Variants in RAB40A observed in about 807,000 individuals in gnomAD.
RAB40A encodes the protein RAB40A, member RAS oncogene family.
For missense variants in RAB40A, 145 were observed against 230.2 expected, an observed-to-expected ratio of 0.63 and a Z score of 2.40; for synonymous variants, 65 against 99.9, an observed-to-expected ratio of 0.65 and a Z score of 2.08.
At chrX:103,506,981 C>T (rs765307627) in intron 2 of RAB40A, among the ~76,000 whole-genome samples, 4 of 111,373 alleles carry the variant, frequency 3.6e-5, no homozygotes, top group African/African-American at 1.3e-4. Flanking sequence ...CATAGGTATA[C>T]GTGTGCCACG....
chrX:103,511,577 C>T (rs1485059601), intron 2 of RAB40A, among the ~76,000 whole-genome samples: 1 of 110,166 alleles, frequency 9.1e-6, no homozygotes, highest in African/African-American at 3.3e-5. Flanking sequence ...AACCATCATT[C>T]TCAGCAAACT....
Position 103,500,301 on chromosome X carries a change from GAA to G in RAB40A, c.454_455del (p.Phe152LeufsTer2), listed in dbSNP as rs1473240504. ...QAYAERLGVT[F>X]FEVSPLCNFN... ...AATTGCACAGAGGGCTGACCTCAAA[GAA>G]GGTCACACCCAGGCGCTCGGCGTAG... On this transcript the variant is annotated frameshift_variant, in exon 3 of 3. Transcript: ENST00000304236. LOFTEE classifies it low-confidence loss of function (END_TRUNC). 1 of 1,212,283 alleles carries G rather than the reference GAA, an allele frequency of 8.2e-7. No individual in the cohort carries two copies. The highest frequency in any genetic ancestry group is 2.2e-5 in the Admixed American group (1 of 46,134).
downstream of RAB40A, among the ~76,000 whole-genome samples, chrX:103,494,442 A>C (rs1351493734): frequency 9.0e-6 from 1 of 111,625 alleles, no homozygotes; most frequent in African/African-American, 3.3e-5. Flanking sequence ...ACTTGATGTG[A>C]TTCCATTTGT....
intron 2 of RAB40A, among the ~76,000 whole-genome samples, chrX:103,512,446 T>C (rs750409002): frequency 1.1e-4 from 12 of 111,294 alleles, no homozygotes; most frequent in Non-Finnish European, 1.9e-4. Flanking sequence ...TTGCTAGCCC[T>C]GCCCTTGTTG....
In RAB40A at chrX:103,500,253, C is replaced by G; in HGVS notation, c.504G>C (p.Thr168=). Reference sequence around the variant, plus strand: ...GCAGCAGCACTATCCTGGCCAGCTCCGTGAAAGACTCTATGATGTTGAAAT... The same window carrying G: ...GCAGCAGCACTATCCTGGCCAGCTCGGTGAAAGACTCTATGATGTTGAAAT... ...LCNFNIIESF[T]ELARIVLLRH... Residue 168 remains threonine (T), a synonymous_variant, in exon 3 of 3, where the codon ACG becomes ACC. Transcript: ENST00000304236. The G allele has an allele frequency of 8.3e-7, 1 of 1,211,796 alleles. No individual in the cohort carries two copies. The highest frequency in any genetic ancestry group is 1.1e-6 in the Non-Finnish European group (1 of 895,487).
intron 2 of RAB40A, among the ~76,000 whole-genome samples, chrX:103,506,957 G>A: frequency 9.0e-6 from 1 of 111,327 alleles, no homozygotes; most frequent in South Asian, 3.8e-4. Flanking sequence ...TGTGCAGAAC[G>A]TGCAGGTTTG....
intron 2 of RAB40A, chrX:103,501,397 T>C (rs1466592295): frequency 3.2e-5 from 4 of 124,102 alleles, no homozygotes; most frequent in Non-Finnish European, 7.5e-5. Flanking sequence ...GTGTGAACTG[T>C]CTGTGCATGT....
In RAB40A at chrX:103,499,604, T is replaced by G; in HGVS notation, c.*319A>C. 1 of 348,235 alleles carries G rather than the reference T, an allele frequency of 2.9e-6. No individual in the cohort carries two copies. The allele number at this position is 348,235 out of a possible 1,213,427, so 28.7% of individuals were successfully genotyped here. A position where few individuals can be genotyped will look rare whatever the true frequency, so the allele number is the denominator to read the frequency against. On this transcript the variant is annotated 3_prime_UTR_variant, in exon 3 of 3. Coordinates refer to ENST00000304236, the MANE Select transcript of RAB40A (RefSeq NM_080879.3). ...ACCATTCTAACAAAGGCGGTTATTT[T>G]AAGGAAAAAGTTGCAGCGTGATTAT...
At chrX:103,511,343 A>G (rs1463827201) in intron 2 of RAB40A, among the ~76,000 whole-genome samples, 1 of 109,333 alleles carries the variant, frequency 9.1e-6, no homozygotes, top group Non-Finnish European at 1.9e-5. Context: ...CTAAAAAAAA[A>G]TACAAAAAAA....
chrX:103,499,754 G>C lies in RAB40A; in HGVS notation c.*169C>G. 1.8e-6 allele frequency: 1 copy of C among 549,802 alleles called. No homozygotes were observed. The allele number at this position is 549,802 out of a possible 1,213,427, so 45.3% of individuals were successfully genotyped here. ...CCAAATAGAAATTCAAAGTCAAACT[G>C]TGTAATGTGTTTTTATTGACAGAAG... is the stretch of plus-strand genomic sequence containing the variant. On this transcript the variant is annotated 3_prime_UTR_variant, in exon 3 of 3. Transcript: ENST00000304236.
At chrX:103,497,356 G>A (rs770561852), downstream of RAB40A, among the ~76,000 whole-genome samples, 3 of 111,002 alleles carry the variant, frequency 2.7e-5, no homozygotes, top group Non-Finnish European at 5.7e-5. Flanking sequence ...TAGATGGATG[G>A]ATGGATGGAT....
intron 2 of RAB40A, among the ~76,000 whole-genome samples, chrX:103,508,909 A>T (rs2147586551): frequency 8.9e-6 from 1 of 111,806 alleles, no homozygotes; most frequent in African/African-American, 3.3e-5. Context: ...TTCTGGACAT[A>T]TCCTGCAGTC....
intron 2 of RAB40A, among the ~76,000 whole-genome samples, chrX:103,516,355 C>A (rs759416360): frequency 4.6e-4 from 51 of 111,715 alleles, no homozygotes; most frequent in Admixed American, 1.9e-4. Flanking sequence ...GCTAGCAAAA[C>A]GCAGTATTAT....
chrX:103,494,440 T>G (rs1410300026), downstream of RAB40A, among the ~76,000 whole-genome samples: 1 of 112,019 alleles, frequency 8.9e-6, no homozygotes, highest in Non-Finnish European at 1.9e-5. Context: ...TAACTTGATG[T>G]GATTCCATTT....
At chrX:103,506,025 C>G (rs2073252952) in intron 2 of RAB40A, among the ~76,000 whole-genome samples, 1 of 111,926 alleles carries the variant, frequency 8.9e-6, no homozygotes, top group Non-Finnish European at 1.9e-5. Context: ...TGGATTGGGT[C>G]TATTTCTTGA....
intron 1 of RAB40A, 143 bp from the exon 2 acceptor site, chrX:103,517,668 G>A (rs182489793): frequency 9.0e-6 from 1 of 111,640 alleles, no homozygotes; most frequent in East Asian, 2.8e-4. Context: ...TTTTATCTTG[G>A]AACCAACAAT....
At chrX:103,493,322 TA>T in the RAB40A span, among the ~76,000 whole-genome samples, 1 of 111,686 alleles carries the variant, frequency 9.0e-6, no homozygotes, top group Middle Eastern at 4.2e-3. Context: ...TAGGCATATA[TA>T]TTTTTGGGGA....
At chrX:103,503,192 G>T in intron 2 of RAB40A, 1 of 753,332 alleles carries the variant, frequency 1.3e-6, no homozygotes, top group Non-Finnish European at 1.6e-6. Context: ...TGTAAAACAA[G>T]ACTGTAAAAA....
chrX:103,495,931 T>C (rs2073167535), downstream of RAB40A, among the ~76,000 whole-genome samples: 1 of 112,225 alleles, frequency 8.9e-6, no homozygotes, highest in Admixed American at 9.4e-5. Context: ...CAGGCATAAC[T>C]TGTTTTTCTC....
Sources: allele counts gnomAD v4.1 joint callset (sites outside exome capture counted in the v4.1 genomes callset), GRCh38; gene constraint gnomAD v4.1.1; transcripts MANE v1.5; gene names NCBI Gene and HGNC (gene_info 2026-07-23, HGNC 2026-07-21).